POLR1A: variants seen among roughly 807,000 people sequenced by gnomAD.
POLR1A encodes the protein RNA polymerase I subunit A.
POLR1A carries 84 observed loss-of-function variants against 205.3 expected under a neutral mutation model. The ratio of observed to expected loss-of-function variants is 0.41; its 90% CI spans 0.34 to 0.49. The LOEUF is 0.49. Among genes scored for constraint, POLR1A ranks in the 20% least tolerant of loss-of-function variants. The pLI is 0.22. For missense variants in POLR1A, 1,645 were observed against 2,204.5 expected, an observed-to-expected ratio of 0.75 and a Z score of 5.08; for synonymous variants, 799 against 863.7, an observed-to-expected ratio of 0.93 and a Z score of 1.31.
intron 16 of POLR1A, 61 bp downstream of exon 16, chr2:86,052,756 G>C: frequency 7.5e-7 from 1 of 1,336,500 alleles, no homozygotes. Context: ...CTGGGCCTGG[G>C]AGATGGCCAG....
At chr2:86,067,037 T>C (rs1054721571) in intron 13 of POLR1A, among the ~76,000 whole-genome samples, 1 of 152,262 alleles carries the variant, frequency 6.6e-6, no homozygotes, top group Non-Finnish European at 1.5e-5. Context: ...TTACAGGTTC[T>C]GTGATCTATT....
intron 11 of POLR1A, among the ~76,000 whole-genome samples, chr2:86,076,314 C>G (rs1007434523): frequency 6.6e-6 from 1 of 152,252 alleles, no homozygotes; most frequent in Non-Finnish European, 1.5e-5. Flanking sequence ...ACCCCAGCCT[C>G]TGCGTTCCTC....
In POLR1A at chr2:86,054,129, G is replaced by A. The variant is rs1435524984; in HGVS notation, c.2208+11C>T. ...TAGAAGTCTCCACTCCACACAGCTG[G>A]ACAGCCATACCTGGGACTCGCACAT... On this transcript the variant is annotated intron_variant, in intron 15 of 33. Transcript: ENST00000263857. 3 of 1,613,698 alleles carry A rather than the reference G, an allele frequency of 1.9e-6. No individual in the cohort carries two copies. Among genetic ancestry groups the A allele is most frequent in the Non-Finnish European group, 2.5e-6 (3 of 1,179,706 alleles).
intron 14 of POLR1A, among the ~76,000 whole-genome samples, chr2:86,057,437 T>C (rs1204152979): frequency 6.6e-6 from 1 of 152,356 alleles, no homozygotes; most frequent in East Asian, 1.9e-4. Context: ...AATTACTATA[T>C]GATGCAGCAA....
In POLR1A at chr2:86,030,211, T is replaced by C. The variant is rs753331119; in HGVS notation, c.4764A>G (p.Leu1588=). ...CCTGTCTTACCTCTGCATACTTGAATAGCTCTGGGAGGTTGATTCCTTCTG... is the reference window on the plus strand; with the variant it reads ...CCTGTCTTACCTCTGCATACTTGAACAGCTCTGGGAGGTTGATTCCTTCTG... ...LNTEGINLPE[L]FKYAEVLDLR... is the part of the protein sequence containing the mutation. The change falls in exon 31 of 34, where the codon CTA becomes CTG. Residue 1588 remains leucine, a synonymous_variant. Coordinates refer to ENST00000263857, the MANE Select transcript of POLR1A (RefSeq NM_015425.6). 1 of 1,614,068 alleles carries C rather than the reference T, an allele frequency of 6.2e-7. No homozygotes were observed. Among genetic ancestry groups the C allele is most frequent in the Admixed American group, 1.7e-5 (1 of 60,034 alleles).
rs1273061553 is a variant in POLR1A at position 86,038,808 on chromosome 2, T to C, written c.3926A>G (p.Gln1309Arg). Residue 1309 changes from glutamine (Q) to arginine (R), a missense_variant, in exon 27 of 34, where the codon CAG (glutamine) becomes CGG (arginine). Gln to Arg is a conservative substitution (Grantham distance 43). Around this residue, in one of 16 missense-constraint regions of POLR1A, gnomAD observed 394 missense variants for 468.5 expected, o/e 0.84. Transcript: ENST00000263857. ...CAGCTGGTACACCTGGAATTTGTTCTGTTTTTCTTCCATACAGAAGGACTC... is the reference window on the plus strand; with the variant it reads ...CAGCTGGTACACCTGGAATTTGTTCCGTTTTTCTTCCATACAGAAGGACTC... The part of the protein sequence containing the change: ...VQESFCMEEK[Q>R]NKFQVYQLRF... The C allele has an allele frequency of 6.2e-7, 1 of 1,613,992 alleles. No homozygotes were observed. Among genetic ancestry groups the C allele is most frequent in the East Asian group, 2.2e-5 (1 of 44,904 alleles).
intron 25 of POLR1A, 37 bp downstream of exon 25, chr2:86,040,355 G>C (rs776560620): frequency 6.5e-7 from 1 of 1,531,644 alleles, no homozygotes; most frequent in South Asian, 1.3e-5. Flanking sequence ...GGAGAGGCTA[G>C]GACAGACCCC....
intron 14 of POLR1A, among the ~76,000 whole-genome samples, chr2:86,059,376 A>T (rs975633054): frequency 2.0e-5 from 3 of 152,220 alleles, no homozygotes; most frequent in African/African-American, 4.8e-5. Context: ...AGAGTAAGCC[A>T]TCTTAAAGAC....
intron 6 of POLR1A, among the ~76,000 whole-genome samples, chr2:86,086,876 C>A (rs561520828): frequency 5.3e-5 from 8 of 152,302 alleles, no homozygotes; most frequent in Admixed American, 1.3e-4. Flanking sequence ...AAGCAATTCC[C>A]AACTGGTAAT....
chr2:86,037,990 T>A (rs1285250834), intron 27 of POLR1A, among the ~76,000 whole-genome samples: 1 of 152,238 alleles, frequency 6.6e-6, no homozygotes, highest in Non-Finnish European at 1.5e-5. Context: ...CCTTTTTGTG[T>A]TCACACTTCA....
rs1164909453 is a variant in POLR1A, at chr2:86,024,564, T to TA, written c.*2858dup. ...ACAGGAATATCTGTGGGAATGCTGATAGTGTTTCTGGTGAGAACCCAAAAA... is the reference window on the plus strand; with the variant it reads ...ACAGGAATATCTGTGGGAATGCTGATAAGTGTTTCTGGTGAGAACCCAAAAA... On this transcript the variant is annotated 3_prime_UTR_variant, in exon 34 of 34. Transcript: ENST00000263857. 1.3e-5 allele frequency: 2 copies of TA among 152,186 alleles called. No individual in the cohort carries two copies. The highest frequency in any genetic ancestry group is 2.4e-5 in the African/African-American group (1 of 41,424). 9.4% of individuals were successfully genotyped at this position (152,186 alleles called of 1,614,324 possible).
At chr2:86,044,377 G>A (rs561554726) in intron 21 of POLR1A, 73 bp from the exon 22 acceptor site, 2 of 1,534,060 alleles carry the variant, frequency 1.3e-6, no homozygotes, top group Non-Finnish European at 1.8e-6. Context: ...GAGGGTTGGG[G>A]GCAGTGGAGG....
intron 12 of POLR1A, 62 bp downstream of exon 12, chr2:86,074,968 A>G: frequency 8.4e-7 from 1 of 1,188,844 alleles, no homozygotes; most frequent in East Asian, 2.5e-5. Flanking sequence ...CCTGATGGCC[A>G]CCAATCACCA....
chr2:86,075,800 G>A (rs1377456425), intron 11 of POLR1A, among the ~76,000 whole-genome samples: 3 of 152,156 alleles, frequency 2.0e-5, no homozygotes, highest in African/African-American at 4.8e-5. Context: ...GAGCCACCGC[G>A]CCCAGCCAAT....
At position 86,102,652 on chromosome 2, in the gene POLR1A, T is replaced by C. The variant is rs767604248; in HGVS notation, c.78-2480A>G. On this transcript the variant is annotated intron_variant, in intron 1 of 33. Transcript: ENST00000263857. ...AAGTCTGGGCATCACAGCAGCTCTA[T>C]TGGGATGATTAGAAGATAACATACA... Among the ~76,000 whole-genome samples the C allele has an allele frequency of 5.3e-5, 8 of 152,316 alleles. No individual in the cohort carries two copies. The South Asian group carries it at 6.2e-4, about 12-fold the overall frequency.
At chr2:86,053,997 A>G in intron 15 of POLR1A, 143 bp downstream of exon 15, 1 of 747,596 alleles carries the variant, frequency 1.3e-6, no homozygotes, top group Non-Finnish European at 2.2e-6. Flanking sequence ...ACAAAAGCTG[A>G]CAACAACTCA....
intron 18 of POLR1A, among the ~76,000 whole-genome samples, chr2:86,047,896 G>T (rs1316338130): frequency 6.6e-6 from 1 of 152,156 alleles, no homozygotes; most frequent in Non-Finnish European, 1.5e-5. Context: ...GGGCGGAGGT[G>T]GTGGGAAGAG....
intron 13 of POLR1A, among the ~76,000 whole-genome samples, chr2:86,068,386 C>CGGGGGA (rs1553436020): frequency 2.5e-4 from 3 of 12,224 alleles, no homozygotes; most frequent in African/African-American, 1.4e-3. Context: ...AGCACATGGG[C>CGGGGGA]GGGGGGGGGG....
Position 86,075,054 on chromosome 2 carries a change from T to C in POLR1A, c.1587A>G (p.Ala529=), listed in dbSNP as rs369740519. 1 of 1,610,536 alleles carries C rather than the reference T, an allele frequency of 6.2e-7. No individual in the cohort carries two copies. The highest frequency in any genetic ancestry group is 1.3e-5 in the African/African-American group (1 of 74,948). Residue 529 remains alanine (A), a synonymous_variant, in exon 12 of 34, where the codon GCA becomes GCG. Transcript: ENST00000263857. Reference sequence around the variant, plus strand: ...CAATTTTTGTCCCCTGGGGCTTAGGTGCCCCCGTGGCTGGGGTCAGAAGCT... The same window carrying C: ...CAATTTTTGTCCCCTGGGGCTTAGGCGCCCCCGTGGCTGGGGTCAGAAGCT... ...AKQLLTPATG[A]PKPQGTKIVC...
Sources: allele counts gnomAD v4.1 joint callset (sites outside exome capture counted in the v4.1 genomes callset), GRCh38; gene constraint gnomAD v4.1.1; regional missense constraint gnomAD v4.1.1; transcripts MANE v1.5; gene names NCBI Gene and HGNC (gene_info 2026-07-23, HGNC 2026-07-21).